UST: variants seen among roughly 807,000 people sequenced by gnomAD.
UST encodes the protein chondroitin sulfate 2-O-sulfotransferase.
A neutral mutation model predicts 45.6 loss-of-function variants in UST; 21 were observed. The ratio of observed to expected loss-of-function variants is 0.46; its 90% CI spans 0.33 to 0.66. The LOEUF (loss-of-function observed/expected upper bound fraction) is 0.66, where lower values mean the gene tolerates loss of function less well. UST is among the 30% of genes least tolerant of loss of function. UST has a pLI of 0.02. For missense variants in UST, 463 were observed against 512.4 expected, an observed-to-expected ratio of 0.90 and a Z score of 0.93; for synonymous variants, 215 against 200.6, an observed-to-expected ratio of 1.07 and a Z score of -0.61.
In UST at chr6:149,075,868, T is replaced by C. The variant is rs1163387539; in HGVS notation, c.*1752T>C. The C allele has an allele frequency of 6.6e-6, 1 of 152,610 alleles. No individual in the cohort carries two copies. The highest frequency in any genetic ancestry group is 1.9e-4 in the East Asian group (1 of 5,200). 9.5% of individuals were successfully genotyped at this position (152,610 alleles called of 1,614,324 possible). On this transcript the variant is annotated 3_prime_UTR_variant, in exon 8 of 8. Transcript: ENST00000367463. ...ACACAAGCTACACATTTTATACTTT[T>C]CATAAACCACAAAGTCTCTCTAGAA...
intron 5 of UST, among the ~76,000 whole-genome samples, chr6:148,995,111 G>A (rs892561172): frequency 2.2e-4 from 34 of 152,012 alleles, no homozygotes; most frequent in Middle Eastern, 3.2e-3. Context: ...TGCAACCTCC[G>A]CCTCCCGGGT....
intron 2 of UST, among the ~76,000 whole-genome samples, chr6:148,916,007 C>T (rs530262601): frequency 7.0e-6 from 1 of 142,274 alleles, no homozygotes; most frequent in South Asian, 2.1e-4. Flanking sequence ...AGCCAACAGA[C>T]TGTCACTTCT....
intron 1 of UST, among the ~76,000 whole-genome samples, chr6:148,827,300 A>G (rs990844541): frequency 6.6e-6 from 1 of 152,184 alleles, no homozygotes; most frequent in Admixed American, 6.5e-5. Flanking sequence ...TTCTTCTAAC[A>G]GAGGAGTCTG....
At chr6:149,021,243 G>A in intron 6 of UST, 81 bp from the exon 7 acceptor site, 1 of 1,437,984 alleles carries the variant, frequency 7.0e-7, no homozygotes, top group Non-Finnish European at 9.4e-7. Context: ...AAGGTGGGAG[G>A]TAGAGGGGGT....
Position 149,031,410 on chromosome 6 carries a change from A to G in UST, c.937+9929A>G, listed in dbSNP as rs541308006. Among the ~76,000 whole-genome samples the G allele has an allele frequency of 2.4e-4, 36 of 152,340 alleles. 1 individual carries two copies. In the East Asian group the frequency reaches 3.5e-3, roughly 15 times the overall value. On this transcript the variant is annotated intron_variant, in intron 7 of 7. Coordinates refer to ENST00000367463, the MANE Select transcript of UST (RefSeq NM_005715.3). ...CATTCAGTTTACAGAAACATCACCA[A>G]TTCACAAGAATTCAGCCTCTAGGCT...
chr6:148,987,965 G>A (rs142148907), intron 5 of UST, among the ~76,000 whole-genome samples: 1,782 of 152,218 alleles, frequency 0.012, 38 homozygotes, highest in African/African-American at 0.039. Context: ...TCGAGGAATT[G>A]TCTAAGGAGA....
intron 2 of UST, among the ~76,000 whole-genome samples, chr6:148,911,360 T>A (rs7760563): frequency 3.8e-4 from 58 of 152,006 alleles, no homozygotes; most frequent in Middle Eastern, 3.4e-3. Flanking sequence ...CAACCTGTTC[T>A]TCCCTAGATC....
chr6:148,855,304 G>A (rs1332948520), intron 1 of UST, among the ~76,000 whole-genome samples: 1 of 152,156 alleles, frequency 6.6e-6, no homozygotes, highest in East Asian at 1.9e-4. Flanking sequence ...TACTTGCCTC[G>A]CCGGGGATTT....
At chr6:148,837,825 C>T (rs1777816129) in intron 1 of UST, among the ~76,000 whole-genome samples, 1 of 152,068 alleles carries the variant, frequency 6.6e-6, no homozygotes, top group Admixed American at 6.6e-5. Flanking sequence ...ACCTCAGTCC[C>T]CCAAGTAGCT....
At position 148,822,685 on chromosome 6, in the gene UST, T is replaced by A. The variant is rs188495194; in HGVS notation, c.248-64301T>A. On this transcript the variant is annotated intron_variant, in intron 1 of 7. Coordinates refer to ENST00000367463, the MANE Select transcript of UST (RefSeq NM_005715.3). Reference sequence around the variant, plus strand: ...TATGAGTAATTTGCCATTTCTTCAATGATACAAACAAACCTGATTTCCCTT... The same window carrying A: ...TATGAGTAATTTGCCATTTCTTCAAAGATACAAACAAACCTGATTTCCCTT... 1.7e-4 allele frequency among the ~76,000 whole-genome samples: 26 copies of A among 152,334 alleles called. No homozygotes were observed. The East Asian group carries it at 3.7e-3, about 21-fold the overall frequency.
At chr6:148,799,305 G>A (rs1777010895) in intron 1 of UST, among the ~76,000 whole-genome samples, 1 of 152,210 alleles carries the variant, frequency 6.6e-6, no homozygotes, top group African/African-American at 2.4e-5. Context: ...GCGTGGGATG[G>A]GGGAGTTATT....
chr6:148,799,145 C>T (rs1777005971), intron 1 of UST, among the ~76,000 whole-genome samples: 1 of 152,170 alleles, frequency 6.6e-6, no homozygotes, highest in South Asian at 2.1e-4. Context: ...GCTGGGATTA[C>T]AGGCATGAGC....
At chr6:148,923,156 G>C (rs752708941) in intron 2 of UST, among the ~76,000 whole-genome samples, 14 of 152,174 alleles carry the variant, frequency 9.2e-5, no homozygotes, top group Non-Finnish European at 1.9e-4. Context: ...TAGTGACATT[G>C]CATGGACATA....
Position 148,750,131 on chromosome 6 carries a change from G to A in UST, c.247+2454G>A, listed in dbSNP as rs374194448. On this transcript the variant is annotated intron_variant, in intron 1 of 7. Coordinates refer to ENST00000367463, the MANE Select transcript of UST (RefSeq NM_005715.3). ...CCAATTTTGGCAGCAAGTATTTTTC[G>A]TAAATGTAAGTTCATGTAAAGTAAA... 2.4e-4 allele frequency among the ~76,000 whole-genome samples: 36 copies of A among 152,230 alleles called. 1 individual carries two copies. In the South Asian group the frequency reaches 5.4e-3, roughly 23 times the overall value.
intron 5 of UST, among the ~76,000 whole-genome samples, chr6:148,984,933 A>G (rs1215162695): frequency 2.0e-5 from 3 of 152,226 alleles, no homozygotes; most frequent in African/African-American, 7.2e-5. Flanking sequence ...AGACATGTCT[A>G]TGTAATAAGA....
chr6:148,913,423 C>CTTTTTTTT (rs34110477), intron 2 of UST, among the ~76,000 whole-genome samples: 1,093 of 79,808 alleles, frequency 0.014, 72 homozygotes, highest in Non-Finnish European at 0.016. Flanking sequence ...GACCAAAAAT[C>CTTTTTTTT]TTTTTTTTTT....
At chr6:149,008,852 G>A (rs1221441058) in intron 5 of UST, among the ~76,000 whole-genome samples, 1 of 152,124 alleles carries the variant, frequency 6.6e-6, no homozygotes, top group Non-Finnish European at 1.5e-5. Context: ...TCCCAACCTG[G>A]CCATTAAATA....
At chr6:148,880,064 C>T (rs1249706853) in intron 1 of UST, among the ~76,000 whole-genome samples, 2 of 150,704 alleles carry the variant, frequency 1.3e-5, no homozygotes, top group Non-Finnish European at 2.9e-5. Flanking sequence ...AAGTAATTCT[C>T]CCACCTCAGC....
chr6:148,949,770 A>G (rs1780328338), intron 3 of UST, among the ~76,000 whole-genome samples: 3 of 152,118 alleles, frequency 2.0e-5, no homozygotes, highest in Admixed American at 2.0e-4. Flanking sequence ...CTAGGGGATA[A>G]AGCCTGCCCC....
Sources: gnomAD v4.1 joint callset for allele counts (sites outside exome capture counted in the v4.1 genomes callset) on GRCh38, gnomAD v4.1.1 for gene constraint, MANE v1.5 for transcripts, NCBI Gene and HGNC (gene_info 2026-07-23, HGNC 2026-07-21) for gene names.